Variants in MAD1L1 observed in about 807,000 individuals in gnomAD.
MAD1L1 encodes mitotic spindle assembly checkpoint protein MAD1.
MAD1L1 carries 95 observed loss-of-function variants against 96.9 expected under a neutral mutation model. That is an observed-to-expected ratio of 0.98 (90% CI 0.83 to 1.16). MAD1L1 has a LOEUF of 1.16. MAD1L1 is among the 50% of genes most tolerant of loss of function. The probability of loss-of-function intolerance (pLI) is 0.00; values close to 1 mark genes in which losing one functional copy is unlikely to be tolerated. For synonymous variants in MAD1L1, 473 were observed against 396.6 expected (o/e 1.19, Z -2.29); for missense variants, 1,007 against 954.4 (o/e 1.06, Z -0.73).
At chr7:1,897,545 T>C (rs1338682769) in intron 18 of MAD1L1, among the ~76,000 whole-genome samples, 1 of 152,204 alleles carries the variant, frequency 6.6e-6, no homozygotes, top group East Asian at 1.9e-4. Context: ...CTCCAGCTGC[T>C]GGAGGTCCAA....
intron 15 of MAD1L1, among the ~76,000 whole-genome samples, chr7:1,957,950 G>C (rs1458884736): frequency 6.6e-6 from 1 of 152,254 alleles, no homozygotes; most frequent in Non-Finnish European, 1.5e-5. Flanking sequence ...AGCTGGAGGA[G>C]CCTGTGCGGA....
intron 15 of MAD1L1, among the ~76,000 whole-genome samples, chr7:1,975,858 G>A (rs756403956): frequency 1.3e-5 from 2 of 152,146 alleles, no homozygotes; most frequent in Admixed American, 6.5e-5. Flanking sequence ...GCGAGGGTCC[G>A]AGTGTGACTA....
chr7:2,169,726 G>T (rs1790618916), intron 10 of MAD1L1, among the ~76,000 whole-genome samples: 1 of 146,850 alleles, frequency 6.8e-6, no homozygotes, highest in Admixed American at 6.6e-5. Flanking sequence ...CCACAGTCTG[G>T]GTGGAGGGGT....
chr7:2,040,431 G>A (rs1783623770), intron 12 of MAD1L1, among the ~76,000 whole-genome samples: 2 of 152,162 alleles, frequency 1.3e-5, no homozygotes, highest in African/African-American at 4.8e-5. Context: ...CGGGAACTTT[G>A]CTCATTTTAT....
intron 17 of MAD1L1, among the ~76,000 whole-genome samples, chr7:1,935,816 C>T (rs1778563093): frequency 6.6e-6 from 1 of 152,252 alleles, no homozygotes; most frequent in South Asian, 2.1e-4. Context: ...CCAGGCCCCA[C>T]CACAGATGAG....
intron 18 of MAD1L1, among the ~76,000 whole-genome samples, chr7:1,818,083 C>T (rs1174706840): frequency 6.6e-6 from 1 of 152,138 alleles, no homozygotes; most frequent in Non-Finnish European, 1.5e-5. Context: ...CCACTCTGAC[C>T]TTTCGCTGAG....
chr7:2,212,113 G>A (rs1340982985), intron 10 of MAD1L1, among the ~76,000 whole-genome samples: 9 of 152,340 alleles, frequency 5.9e-5, no homozygotes, highest in South Asian at 2.1e-4. Context: ...GGGGCACCGC[G>A]ACTGAAGGGC....
At chr7:1,896,240 G>A (rs1315353591) in intron 18 of MAD1L1, among the ~76,000 whole-genome samples, 1 of 152,240 alleles carries the variant, frequency 6.6e-6, no homozygotes, top group Non-Finnish European at 1.5e-5. Context: ...GGCCATGGGG[G>A]CTGAAAGTCC....
At chr7:1,971,846 G>A (rs1248284724) in intron 15 of MAD1L1, among the ~76,000 whole-genome samples, 1 of 152,118 alleles carries the variant, frequency 6.6e-6, no homozygotes, top group Admixed American at 6.5e-5. Flanking sequence ...CCAGGTTCAG[G>A]GATACCCACC....
chr7:1,818,030 T>A (rs1645282206), intron 18 of MAD1L1, among the ~76,000 whole-genome samples: 1 of 152,182 alleles, frequency 6.6e-6, no homozygotes, highest in East Asian at 1.9e-4. Context: ...TTTGGCCTTG[T>A]CATAGTTCAA....
intron 7 of MAD1L1, 122 bp downstream of exon 7, chr7:2,217,840 G>A (rs1793374294): frequency 2.5e-6 from 2 of 810,556 alleles, no homozygotes; most frequent in South Asian, 3.0e-5. Flanking sequence ...CAACACACAG[G>A]GCAGCAGCTA....
At chr7:1,954,444 G>A (rs1017767734) in intron 16 of MAD1L1, among the ~76,000 whole-genome samples, 8 of 152,266 alleles carry the variant, frequency 5.3e-5, no homozygotes, top group East Asian at 1.9e-4. Flanking sequence ...AGAACAAAGC[G>A]CTGGGGCCCC....
At chr7:2,004,040 G>A (rs911504880) in intron 13 of MAD1L1, among the ~76,000 whole-genome samples, 4 of 152,146 alleles carry the variant, frequency 2.6e-5, no homozygotes, top group African/African-American at 9.7e-5. Flanking sequence ...GAGCCGGGTC[G>A]GGGCATCCAG....
At chr7:2,025,745 G>C (rs1274978522) in intron 12 of MAD1L1, among the ~76,000 whole-genome samples, 3 of 152,162 alleles carry the variant, frequency 2.0e-5, no homozygotes, top group African/African-American at 7.2e-5. Context: ...GTAAACAGAA[G>C]AAAGGATTTT....
chr7:1,900,974 T>C (rs542829450), intron 17 of MAD1L1, among the ~76,000 whole-genome samples: 8 of 152,118 alleles, frequency 5.3e-5, no homozygotes, highest in South Asian at 2.1e-4. Flanking sequence ...GGGAGCAGCA[T>C]GGGCCGCCGC....
intron 18 of MAD1L1, among the ~76,000 whole-genome samples, chr7:1,839,395 G>A (rs1273561917): frequency 6.6e-6 from 1 of 150,704 alleles, no homozygotes; most frequent in East Asian, 2.0e-4. Context: ...AAAGCATCCT[G>A]CCCACCCGGT....
At chr7:1,904,075 G>A (rs12667871) in intron 17 of MAD1L1, among the ~76,000 whole-genome samples, 2 of 121,756 alleles carry the variant, frequency 1.6e-5, no homozygotes, top group African/African-American at 2.8e-5. Flanking sequence ...CAGCGAGGAT[G>A]CAGTGGCCTA....
intron 16 of MAD1L1, among the ~76,000 whole-genome samples, chr7:1,938,737 G>GGT (rs1778747198): frequency 3.8e-5 from 4 of 104,764 alleles, no homozygotes; most frequent in Non-Finnish European, 5.9e-5. Flanking sequence ...TGGGGCCAGA[G>GGT]GCGCGCACGC....
At chr7:2,152,017 T>C (rs983176645) in intron 10 of MAD1L1, among the ~76,000 whole-genome samples, 2 of 129,884 alleles carry the variant, frequency 1.5e-5, no homozygotes, top group Non-Finnish European at 1.6e-5. Context: ...AGGAGGCTGC[T>C]TCCGGGTGGC....
Sources: gnomAD v4.1 joint callset for allele counts (sites outside exome capture counted in the v4.1 genomes callset) on GRCh38, gnomAD v4.1.1 for gene constraint, MANE v1.5 for transcripts, NCBI Gene and HGNC (gene_info 2026-07-23, HGNC 2026-07-21) for gene names.